Variants in FGD2 observed in about 807,000 individuals in gnomAD.
FGD2 encodes FYVE, RhoGEF and PH domain-containing protein 2.
Under a neutral mutation model 75.9 loss-of-function variants are expected in FGD2, and 52 were observed. The observed-to-expected ratio is 0.69, with a 90% CI of 0.55 to 0.86. FGD2 has a LOEUF of 0.86. Among genes scored for constraint, FGD2 ranks in the 40% least tolerant of loss-of-function variants. FGD2 has a pLI of 0.00. For missense variants in FGD2, 790 were observed against 872.0 expected (o/e 0.91, Z 1.18); for synonymous variants, 347 against 348.6 (o/e 1.00, Z 0.05).
chr6:37,017,631 G>A (rs998794260), intron 9 of FGD2, among the ~76,000 whole-genome samples: 18 of 152,254 alleles, frequency 1.2e-4, no homozygotes, highest in Admixed American at 9.8e-4. Flanking sequence ...GGTGTGTCCT[G>A]AGGGCTGGGA....
intron 5 of FGD2, 28 bp downstream of exon 5, chr6:37,013,793 C>G: frequency 6.2e-7 from 1 of 1,611,464 alleles, no homozygotes. Flanking sequence ...CTGGAGTCAG[C>G]ATTGCCACTC....
At chr6:37,005,958 T>C in intron 1 of FGD2, 73 bp downstream of exon 1, 1 of 1,545,308 alleles carries the variant, frequency 6.5e-7, no homozygotes, top group Non-Finnish European at 8.9e-7. Context: ...GGCAGCTCTC[T>C]CCCTGGGCCC....
intron 13 of FGD2, 144 bp from the exon 14 acceptor site, chr6:37,025,648 G>A (rs1370983759): frequency 1.7e-5 from 14 of 826,150 alleles, no homozygotes; most frequent in Non-Finnish European, 2.5e-5. Context: ...GAGCATCCCC[G>A]CTCTGCCTCT....
chr6:37,012,962 CTGTGTGTGTGTGTGTG>C (rs60644967), intron 4 of FGD2: 1 of 126,028 alleles, frequency 7.9e-6, no homozygotes, highest in African/African-American at 3.0e-5. Context: ...TGGAAAAGTT[CTGTGTGTGTGTGTGTG>C]TGTGTGTGTA....
At chr6:37,024,094 A>C (rs1765709393) in intron 13 of FGD2, 2 of 152,194 alleles carry the variant, frequency 1.3e-5, no homozygotes, top group African/African-American at 4.8e-5. Flanking sequence ...TAATCCCAGC[A>C]CTTTGGGAGG....
rs141646693 is a variant in FGD2, at chr6:37,007,407, C to T, written c.69-1427C>T. 1.8e-3 allele frequency among the ~76,000 whole-genome samples: 280 copies of T among 152,352 alleles called. 1 individual carries two copies. Among genetic ancestry groups the T allele is most frequent in the African/African-American group, 6.1e-3 (255 of 41,580 alleles). ...AAAGACAGCTCTTGGGTGCCGCCTTCCTGGCCCACCACCCCCTTGGGTGTG... is the reference window on the plus strand; with the variant it reads ...AAAGACAGCTCTTGGGTGCCGCCTTTCTGGCCCACCACCCCCTTGGGTGTG... On this transcript the variant is annotated intron_variant, in intron 1 of 15. Coordinates refer to ENST00000274963, the MANE Select transcript of FGD2 (RefSeq NM_173558.4).
Position 37,013,773 on chromosome 6 carries a change from T to TG in FGD2, c.684+13dup, listed in dbSNP as rs769129721. 3 of 1,613,672 alleles carry TG rather than the reference T, an allele frequency of 1.9e-6. No homozygotes were observed. The South Asian group carries it at 3.3e-5, about 18-fold the overall frequency. ...GTTCTCACTCGCATCCAGGTGAGGC[T>TG]GGGGGAGGGCTGGAGTCAGCATTGC... On this transcript the variant is annotated intron_variant, in intron 5 of 15. Coordinates refer to ENST00000274963, the MANE Select transcript of FGD2 (RefSeq NM_173558.4).
intron 9 of FGD2, 95 bp from the exon 10 acceptor site, chr6:37,020,446 C>T: frequency 8.3e-7 from 1 of 1,199,550 alleles, no homozygotes; most frequent in Non-Finnish European, 1.2e-6. Context: ...TTGAATTGTC[C>T]CTTGGGCACA....
In FGD2 at chr6:37,028,598, T is replaced by TG. The variant is rs1765943564; in HGVS notation, c.*440dup. 6.7e-6 allele frequency: 1 copy of TG among 148,186 alleles called. No individual in the cohort carries two copies. The highest frequency in any genetic ancestry group is 1.5e-5 in the Non-Finnish European group (1 of 68,690). The allele number at this position is 148,186 out of a possible 1,614,324, so 9.2% of individuals were successfully genotyped here. A position where few individuals can be genotyped will look rare whatever the true frequency, so the allele number is the denominator to read the frequency against. On this transcript the variant is annotated 3_prime_UTR_variant, in exon 16 of 16. Coordinates refer to ENST00000274963, the MANE Select transcript of FGD2 (RefSeq NM_173558.4). ...CACCACCGATTTAAATGGGCTGAGT[T>TG]GGGGGAGGCATGGGGTCTTTTTTTT... is the stretch of plus-strand genomic sequence containing the variant.
In FGD2 at chr6:37,027,974, C is replaced by T. The variant is rs34671118; in HGVS notation, c.1779C>T (p.Pro593=). 464 of 1,614,072 alleles carry T rather than the reference C, an allele frequency of 2.9e-4. 3 individuals carry two copies. In the African/African-American group the frequency reaches 5.7e-3, roughly 20 times the overall value. ...ACATGAGGGCTCACACCTCCATCCC[C>T]CTGCTGGGCTACCAGGTGACTGTTG... ...PQDMRAHTSI[P]LLGYQVTVGP... is the part of the protein sequence containing the mutation. Residue 593 remains proline, a synonymous_variant, in exon 16 of 16, where the codon CCC becomes CCT. Transcript: ENST00000274963.
chr6:37,010,826 C>A, intron 2 of FGD2, 147 bp from the exon 3 acceptor site: 1 of 711,862 alleles, frequency 1.4e-6, no homozygotes, highest in Non-Finnish European at 2.5e-6. Context: ...CACCCCAGGG[C>A]CGGCCCAGAT....
At position 37,022,321 on chromosome 6, in the gene FGD2, C is replaced by A; in HGVS notation, c.1409C>A (p.Pro470His). ...ACCATGTGCATGCGCTGCCAGGAGC[C>A]CTTCAACGCTCTGACGCGCCGTCGC... Reference protein sequence around the residue: ...MVTMCMRCQEPFNALTRRRHH... With the variant: ...MVTMCMRCQEHFNALTRRRHH... The change falls in exon 13 of 16, where the codon CCC becomes CAC. Residue 470 changes from proline to histidine, a missense_variant. Pro to His is a moderately conservative substitution (Grantham distance 77). Transcript: ENST00000274963. 6.3e-7 allele frequency: 1 copy of A among 1,589,434 alleles called. No individual in the cohort carries two copies. The highest frequency in any genetic ancestry group is 1.4e-5 in the African/African-American group (1 of 72,970).
chr6:37,021,590 A>G lies in FGD2; in HGVS notation c.1312A>G (p.Ile438Val). Reference sequence around the variant, plus strand: ...TGCGGCCCAGGGGCCTGAGGGAGACATCCAGGAGCAGGAGGTAAATGAAGG... The same window carrying G: ...TGCGGCCCAGGGGCCTGAGGGAGACGTCCAGGAGCAGGAGGTAAATGAAGG... ...KAAAQGPEGD[I>V]QEQELQSEEL... The change falls in exon 12 of 16, where the codon ATC becomes GTC. Residue 438 changes from isoleucine to valine, a missense_variant. Physicochemically the swap from Ile to Val is conservative, Grantham distance 29 (BLOSUM62 3). Transcript: ENST00000274963. 1 of 1,613,930 alleles carries G rather than the reference A, an allele frequency of 6.2e-7. No individual in the cohort carries two copies. The highest frequency in any genetic ancestry group is 8.5e-7 in the Non-Finnish European group (1 of 1,179,878).
chr6:37,010,821 C>T (rs1206997214), intron 2 of FGD2, 152 bp from the exon 3 acceptor site: 7 of 697,078 alleles, frequency 1.0e-5, no homozygotes, highest in Middle Eastern at 2.4e-4. Context: ...AAAGCCACCC[C>T]AGGGCCGGCC....
chr6:37,027,920 GT>G, intron 15 of FGD2, 27 bp from the exon 16 acceptor site: 1 of 1,609,174 alleles, frequency 6.2e-7, no homozygotes. Context: ...AGAGGGGACA[GT>G]GGCCCACTGC....
intron 1 of FGD2, 70 bp downstream of exon 1, chr6:37,005,955 C>T (rs975015375): frequency 3.2e-6 from 5 of 1,557,690 alleles, no homozygotes; most frequent in Middle Eastern, 2.1e-4. Flanking sequence ...TCTGGCAGCT[C>T]TCTCCCTGGG....
At chr6:37,026,246 T>A in intron 14 of FGD2, 2 of 985,422 alleles carry the variant, frequency 2.0e-6, no homozygotes, top group Non-Finnish European at 2.4e-6. Context: ...CACGTCCCCA[T>A]GTCCTGCCCC....
chr6:37,026,459 C>T (rs1765825327), intron 14 of FGD2: 5 of 958,316 alleles, frequency 5.2e-6, no homozygotes, highest in Non-Finnish European at 6.2e-6. Flanking sequence ...GCTCTCTGAT[C>T]TCAGTCACAG....
chr6:37,021,078 A>G (rs1003723462), intron 11 of FGD2, among the ~76,000 whole-genome samples: 3 of 148,278 alleles, frequency 2.0e-5, no homozygotes, highest in African/African-American at 5.0e-5. Flanking sequence ...GTTTGTGTGT[A>G]TGTGTGTGTT....
Sources: allele counts gnomAD v4.1 joint callset (sites outside exome capture counted in the v4.1 genomes callset), GRCh38; gene constraint gnomAD v4.1.1; transcripts MANE v1.5; gene names NCBI Gene and HGNC (gene_info 2026-07-23, HGNC 2026-07-21).